GRAMD2B: variants seen among roughly 807,000 people sequenced by gnomAD.
GRAMD2B encodes GRAM domain containing 2B, also known as GRAM domain-containing protein 2B.
In GRAMD2B, 41 loss-of-function variants were observed where a neutral mutation model predicts 59.2. That is an observed-to-expected ratio of 0.69 (90% CI 0.54 to 0.90). The LOEUF (loss-of-function observed/expected upper bound fraction) is 0.90, where lower values mean the gene tolerates loss of function less well. Ranked by LOEUF, GRAMD2B falls within the 40% of genes least tolerant of loss-of-function variation. The pLI is 0.00. For missense variants in GRAMD2B, 424 were observed against 500.5 expected (o/e 0.85, Z 1.46); for synonymous variants, 161 against 182.7 (o/e 0.88, Z 0.96).
intron 1 of GRAMD2B, among the ~76,000 whole-genome samples, chr5:126,443,916 GT>G (rs958569704): frequency 6.6e-6 from 1 of 152,140 alleles, no homozygotes; most frequent in African/African-American, 2.4e-5. Flanking sequence ...GCTGGACGTG[GT>G]GGTGGGCGCC....
intron 2 of GRAMD2B, 141 bp downstream of exon 2, chr5:126,465,686 T>C: frequency 1.3e-6 from 1 of 740,806 alleles, no homozygotes; most frequent in Non-Finnish European, 2.2e-6. Context: ...ATGAGCATTT[T>C]TCCCTGATAC....
At chr5:126,473,200 A>G (rs1769954557) in intron 4 of GRAMD2B, 65 bp from the exon 5 acceptor site, 2 of 580,526 alleles carry the variant, frequency 3.4e-6, no homozygotes, top group South Asian at 4.3e-5. Context: ...TCACCAAAAT[A>G]TATACACGGT....
At chr5:126,488,052 A>G (rs1239539484) in intron 12 of GRAMD2B, among the ~76,000 whole-genome samples, 1 of 152,210 alleles carries the variant, frequency 6.6e-6, no homozygotes, top group Non-Finnish European at 1.5e-5. Flanking sequence ...ACTGTGTTAT[A>G]CCATTCTAGG....
rs1366579800 is a variant in GRAMD2B, at chr5:126,423,690, G to A, written c.83+1G>A. The A allele has an allele frequency of 1.2e-6, 2 of 1,605,562 alleles. No individual in the cohort carries two copies. Among genetic ancestry groups the A allele is most frequent in the Non-Finnish European group, 1.7e-6 (2 of 1,176,622 alleles). On this transcript the variant is annotated splice_donor_variant, in intron 1 of 13. Coordinates refer to ENST00000285689, the MANE Select transcript of GRAMD2B (RefSeq NM_023927.4). LOFTEE classifies it high-confidence loss of function. Reference sequence around the variant, plus strand: ...GGGAGAGCAAACTTGGCTCAGCCCAGTGAGTATTCTCAGCTGGGACCCATC... The same window carrying A: ...GGGAGAGCAAACTTGGCTCAGCCCAATGAGTATTCTCAGCTGGGACCCATC...
At chr5:126,400,434 GT>G (rs1757723927) in intron 1 of GRAMD2B, among the ~76,000 whole-genome samples, 1 of 151,958 alleles carries the variant, frequency 6.6e-6, no homozygotes, top group African/African-American at 2.4e-5. Context: ...TATAGCTGTA[GT>G]TATTTTTAAT....
At chr5:126,387,601 T>G (rs1756279824) in intron 1 of GRAMD2B, among the ~76,000 whole-genome samples, 1 of 151,794 alleles carries the variant, frequency 6.6e-6, no homozygotes, top group Non-Finnish European at 1.5e-5. Context: ...CAAATTCATA[T>G]GCTGAGAGTA....
chr5:126,404,469 C>T (rs1758098252), intron 1 of GRAMD2B, among the ~76,000 whole-genome samples: 1 of 151,810 alleles, frequency 6.6e-6, no homozygotes, highest in South Asian at 2.1e-4. Context: ...AAACAAATAA[C>T]CAATTCCTAA....
At chr5:126,411,292 C>A (rs28898409) in intron 1 of GRAMD2B, among the ~76,000 whole-genome samples, 404 of 152,058 alleles carry the variant, frequency 2.7e-3, no homozygotes, top group African/African-American at 9.3e-3. Flanking sequence ...TGGTGAAAGG[C>A]AGGGGTCCAG....
intron 10 of GRAMD2B, 81 bp from the exon 11 acceptor site, chr5:126,485,605 C>T (rs900954452): frequency 9.1e-6 from 7 of 767,930 alleles, no homozygotes; most frequent in African/African-American, 8.8e-5. Flanking sequence ...TTACCTCTCT[C>T]AAGTACCCCA....
intron 1 of GRAMD2B, among the ~76,000 whole-genome samples, chr5:126,410,287 C>T (rs1048051043): frequency 7.9e-5 from 12 of 151,588 alleles, no homozygotes; most frequent in Non-Finnish European, 1.8e-4. Context: ...GGCAGTATGG[C>T]CATTTTCACG....
At chr5:126,449,374 G>A (rs1407591048) in intron 1 of GRAMD2B, among the ~76,000 whole-genome samples, 1 of 152,066 alleles carries the variant, frequency 6.6e-6, no homozygotes, top group Non-Finnish European at 1.5e-5. Context: ...TAACAATATG[G>A]AATAATTCTA....
At chr5:126,479,705 G>C (rs1202007381) in intron 6 of GRAMD2B, among the ~76,000 whole-genome samples, 1 of 152,204 alleles carries the variant, frequency 6.6e-6, no homozygotes, top group South Asian at 2.1e-4. Flanking sequence ...TACTTGCTCG[G>C]AAATAATTCA....
intron 3 of GRAMD2B, among the ~76,000 whole-genome samples, chr5:126,470,576 C>G (rs942066062): frequency 1.3e-5 from 2 of 151,318 alleles, no homozygotes; most frequent in African/African-American, 4.9e-5. Context: ...TCTTTTTTTT[C>G]AAGGCAGAGT....
intron 3 of GRAMD2B, among the ~76,000 whole-genome samples, chr5:126,470,585 G>A (rs900294255): frequency 6.6e-6 from 1 of 151,846 alleles, no homozygotes; most frequent in African/African-American, 2.4e-5. Context: ...TCAAGGCAGA[G>A]TCTTGCTCTG....
intron 1 of GRAMD2B, among the ~76,000 whole-genome samples, chr5:126,414,354 A>T (rs184019174): frequency 6.6e-6 from 1 of 152,322 alleles, no homozygotes; most frequent in East Asian, 1.9e-4. Flanking sequence ...GAATAAAGAT[A>T]ACTCTTTAAT....
chr5:126,487,888 A>T (rs896713793), intron 12 of GRAMD2B, among the ~76,000 whole-genome samples: 2 of 152,206 alleles, frequency 1.3e-5, no homozygotes, highest in African/African-American at 2.4e-5. Context: ...TTTAATTTGC[A>T]TCAGAATTAT....
intron 13 of GRAMD2B, among the ~76,000 whole-genome samples, chr5:126,490,634 C>A (rs76359716): frequency 0.016 from 2,487 of 152,280 alleles, 30 homozygotes; most frequent in Middle Eastern, 0.054. Context: ...AGGTACCAGG[C>A]CACACCCGTG....
At chr5:126,481,580 C>A (rs1771853987) in intron 8 of GRAMD2B, among the ~76,000 whole-genome samples, 1 of 152,054 alleles carries the variant, frequency 6.6e-6, no homozygotes, top group Non-Finnish European at 1.5e-5. Flanking sequence ...TTCATCATAG[C>A]CAAAAGGTGG....
At chr5:126,447,750 T>A (rs1764579446) in intron 1 of GRAMD2B, among the ~76,000 whole-genome samples, 2 of 150,942 alleles carry the variant, frequency 1.3e-5, no homozygotes, top group Non-Finnish European at 2.9e-5. Context: ...TTAAGGTAAA[T>A]GAATTGAACC....
Sources: allele counts gnomAD v4.1 joint callset (sites outside exome capture counted in the v4.1 genomes callset), GRCh38; gene constraint gnomAD v4.1.1; transcripts MANE v1.5; gene names NCBI Gene and HGNC (gene_info 2026-07-23, HGNC 2026-07-21).